The following TUT1 variants were observed in gnomAD, a reference collection of about 807,000 sequenced individuals.
TUT1 encodes terminal uridylyl transferase 1, U6 snRNA-specific.
In TUT1, 26 loss-of-function variants were observed where a neutral mutation model predicts 48.8. That is an observed-to-expected ratio of 0.53 (90% CI 0.39 to 0.74). The LOEUF is 0.74. Ranked by LOEUF, TUT1 falls within the 30% of genes least tolerant of loss-of-function variation. The pLI, the probability that TUT1 is intolerant of heterozygous loss-of-function variation, is 0.00. For missense variants in TUT1, 1,065 were observed against 1,114.8 expected (o/e 0.96, Z 0.64); for synonymous variants, 470 against 460.8 (o/e 1.02, Z -0.26).
intron 4 of TUT1, among the ~76,000 whole-genome samples, chr11:62,579,291 C>G (rs576665649): frequency 9.9e-5 from 15 of 152,084 alleles, no homozygotes; most frequent in Non-Finnish European, 1.9e-4. Context: ...GAAACTGTAA[C>G]AGTCCATTGA....
In TUT1 at chr11:62,581,561, G is replaced by T. The variant is rs1458214862; in HGVS notation, c.414C>A (p.Ser138=). The T allele has an allele frequency of 6.2e-7, 1 of 1,612,334 alleles. No homozygotes were observed. The highest frequency in any genetic ancestry group is 1.7e-5 in the Admixed American group (1 of 59,570). Residue 138 remains serine (S), a synonymous_variant, in exon 3 of 9, where the codon TCC becomes TCA. Transcript: ENST00000476907. ...QKEFQSPASK[S]PKGAAPDSHQ... ...GACTGTCGGGGGCCGCTCCTTTGGG[G>T]GATTTGGAGGCCGGGCTCTGGAACT...
chr11:62,584,070 G>A (rs927078590), intron 2 of TUT1, among the ~76,000 whole-genome samples: 8 of 151,852 alleles, frequency 5.3e-5, no homozygotes, highest in Non-Finnish European at 8.8e-5. Context: ...AAAACATTCT[G>A]GAATCAGTCA....
intron 1 of TUT1, among the ~76,000 whole-genome samples, chr11:62,590,610 C>T (rs1941993915): frequency 1.3e-5 from 2 of 149,472 alleles, no homozygotes. Flanking sequence ...GCACTCCAGC[C>T]TGGGTGACAG....
At chr11:62,589,988 C>A (rs1941983785) in intron 1 of TUT1, among the ~76,000 whole-genome samples, 1 of 152,188 alleles carries the variant, frequency 6.6e-6, no homozygotes, top group Admixed American at 6.5e-5. Context: ...TATCACTTGG[C>A]AGAGAGAGTC....
intron 5 of TUT1, among the ~76,000 whole-genome samples, chr11:62,577,553 C>G (rs968395605): frequency 1.3e-5 from 2 of 150,974 alleles, no homozygotes; most frequent in African/African-American, 4.9e-5. Context: ...CCACTGCACT[C>G]CAGCCTGGGT....
Position 62,581,705 on chromosome 11 carries a change from G to A in TUT1, c.274-4C>T. 3 of 1,440,730 alleles carry A rather than the reference G, an allele frequency of 2.1e-6. No homozygotes were observed. The highest frequency in any genetic ancestry group is 1.5e-5 in the South Asian group (1 of 65,090). 89.2% of individuals were successfully genotyped at this position (1,440,730 alleles called of 1,614,324 possible). On this transcript the variant is annotated splice_polypyrimidine_tract_variant and splice_region_variant and intron_variant, in intron 2 of 8. Transcript: ENST00000476907. ...TCTCCACAATGGCAAACACTCCCTG[G>A]TAAACAACAGGGGCAGAGATGATGA...
At chr11:62,582,979 T>G (rs550494863) in intron 2 of TUT1, among the ~76,000 whole-genome samples, 61 of 151,802 alleles carry the variant, frequency 4.0e-4, no homozygotes, top group African/African-American at 1.3e-3. Flanking sequence ...ATACAAAAAA[T>G]TAGCCAGGCG....
intron 2 of TUT1, among the ~76,000 whole-genome samples, chr11:62,586,814 G>A (rs999370848): frequency 1.1e-4 from 16 of 151,752 alleles, no homozygotes; most frequent in Non-Finnish European, 1.6e-4. Context: ...TACTCGGGAG[G>A]CTGAGGCGGG....
chr11:62,589,175 C>T lies in TUT1; in HGVS notation c.129G>A (p.Leu43=). 1 of 1,614,232 alleles carries T rather than the reference C, an allele frequency of 6.2e-7. No homozygotes were observed. The highest frequency in any genetic ancestry group is 1.6e-4 in the Middle Eastern group (1 of 6,062). The change falls in exon 2 of 9, where the codon CTG becomes CTA. Residue 43 remains leucine (L), a synonymous_variant. Coordinates refer to ENST00000476907, the MANE Select transcript of TUT1 (RefSeq NM_022830.3). ...CCTTTCTCGCAGCTCGTAGTTCTAC[C>T]AGGTGCCGGTGCTTTCTGCCTCCCA... The part of the protein sequence containing the change: ...AHLGGRKHRH[L]VELRAARKAQ...
At chr11:62,589,628 TTTTG>T (rs1941977769) in intron 1 of TUT1, among the ~76,000 whole-genome samples, 3 of 152,194 alleles carry the variant, frequency 2.0e-5, no homozygotes, top group African/African-American at 4.8e-5. Flanking sequence ...ACTACAAGTA[TTTTG>T]TTTATTTTTA....
Position 62,576,766 on chromosome 11 carries a change from G to C in TUT1, c.1382-17C>G. On this transcript the variant is annotated splice_polypyrimidine_tract_variant and intron_variant, in intron 7 of 8. Transcript: ENST00000476907. ...CCCCCTCTCCTGTGAAAGTAAATAAGGTGAGAGTCAGTCTGGAAGCAAGGA... is the reference window on the plus strand; with the variant it reads ...CCCCCTCTCCTGTGAAAGTAAATAACGTGAGAGTCAGTCTGGAAGCAAGGA... 1 of 1,613,620 alleles carries C rather than the reference G, an allele frequency of 6.2e-7. No individual in the cohort carries two copies. Among genetic ancestry groups the C allele is most frequent in the Non-Finnish European group, 8.5e-7 (1 of 1,179,564 alleles).
In TUT1 at chr11:62,575,767, TC is replaced by T; in HGVS notation, c.1951del (p.Glu651SerfsTer13). Reference protein sequence around the residue: ...RTRSEGGGTGESSQGGTSKRL... With the variant: ...RTRSEGGGTGXSSQGGTSKRL... ...TTTGCTTGTCCCTCCCTGAGAGGAC[TC>T]CCCAGTTCCACCTCCTTCTGACCGC... On this transcript the variant is annotated frameshift_variant, in exon 9 of 9. Coordinates refer to ENST00000476907, the MANE Select transcript of TUT1 (RefSeq NM_022830.3). LOFTEE classifies it low-confidence loss of function (END_TRUNC). The T allele has an allele frequency of 1.2e-6, 2 of 1,614,176 alleles. No individual in the cohort carries two copies. Among genetic ancestry groups the T allele is most frequent in the Non-Finnish European group, 1.7e-6 (2 of 1,180,038 alleles).
chr11:62,590,651 A>C (rs1329856770), intron 1 of TUT1, among the ~76,000 whole-genome samples: 4 of 151,514 alleles, frequency 2.6e-5, no homozygotes, highest in African/African-American at 9.7e-5. Flanking sequence ...AAAAAAAAAA[A>C]AGAAAAAAGA....
rs773779828 is a variant in TUT1, at chr11:62,576,890, G to C, written c.1381+17C>G. ...GGAAACTAACAAGATGGAGAGGGTG[G>C]AGGCTAGGCCGAGTACCTGCTTTCT... On this transcript the variant is annotated intron_variant, in intron 7 of 8. Coordinates refer to ENST00000476907, the MANE Select transcript of TUT1 (RefSeq NM_022830.3). The C allele has an allele frequency of 3.7e-6, 6 of 1,611,570 alleles. No homozygotes were observed. In the Admixed American group the frequency reaches 1.0e-4, roughly 27 times the overall value.
At chr11:62,580,060 A>C (rs1941800673) in intron 4 of TUT1, among the ~76,000 whole-genome samples, 1 of 152,156 alleles carries the variant, frequency 6.6e-6, no homozygotes, top group South Asian at 2.1e-4. Context: ...GGATTCCTTG[A>C]GCCCAGGAGT....
rs1451029741 is a variant in TUT1 at position 62,575,222 on chromosome 11, C to T, written c.2497G>A (p.Val833Met). ...CGGTCAGCCGGGGAGACAGACGCCACAAAGCTCAGCAGGGGCTCAGTTTCT... is the reference window on the plus strand; with the variant it reads ...CGGTCAGCCGGGGAGACAGACGCCATAAAGCTCAGCAGGGGCTCAGTTTCT... ...RPETEPLLSF[V>M]ASVSPADRML... Residue 833 changes from valine to methionine, a missense_variant, in exon 9 of 9, where the codon GTG becomes ATG. Val to Met is a conservative substitution (Grantham distance 21). Coordinates refer to ENST00000476907, the MANE Select transcript of TUT1 (RefSeq NM_022830.3). 1 of 1,613,888 alleles carries T rather than the reference C, an allele frequency of 6.2e-7. No homozygotes were observed. The highest frequency in any genetic ancestry group is 1.1e-5 in the South Asian group (1 of 91,086).
At chr11:62,587,718 C>A in intron 2 of TUT1, among the ~76,000 whole-genome samples, 1 of 152,344 alleles carries the variant, frequency 6.6e-6, no homozygotes, top group South Asian at 2.1e-4. Context: ...ACAGGCTCCA[C>A]CCCATTCTAA....
At position 62,576,965 on chromosome 11, in the gene TUT1, A is replaced by G. The variant is rs1223420569; in HGVS notation, c.1323T>C (p.Phe441=). Residue 441 remains phenylalanine, a synonymous_variant, in exon 7 of 9, where the codon TTT becomes TTC. Coordinates refer to ENST00000476907, the MANE Select transcript of TUT1 (RefSeq NM_022830.3). Reference sequence around the variant, plus strand: ...ACACAGGAGGGTCCCTGGTCTGAAGAAAATAGATCACCAGCAAGGTCAGGG... The same window carrying G: ...ACACAGGAGGGTCCCTGGTCTGAAGGAAATAGATCACCAGCAAGGTCAGGG... ...NYALTLLVIY[F]LQTRDPPVLP... The G allele has an allele frequency of 6.2e-7, 1 of 1,614,126 alleles. No homozygotes were observed. The highest frequency in any genetic ancestry group is 1.1e-5 in the South Asian group (1 of 91,082).
At chr11:62,577,067 C>A in intron 6 of TUT1, 50 bp from the exon 7 acceptor site, 1 of 1,594,982 alleles carries the variant, frequency 6.3e-7, no homozygotes, top group South Asian at 1.1e-5. Context: ...CTTCTAATCC[C>A]CTCACTGGCA....
Sources: gnomAD v4.1 joint callset for allele counts (sites outside exome capture counted in the v4.1 genomes callset) on GRCh38, gnomAD v4.1.1 for gene constraint, MANE v1.5 for transcripts, NCBI Gene and HGNC (gene_info 2026-07-23, HGNC 2026-07-21) for gene names.